The following MCPH1 variants were observed in gnomAD, a reference collection of about 807,000 sequenced individuals.
MCPH1 encodes microcephalin.
In MCPH1, 104 loss-of-function variants were observed where a neutral mutation model predicts 84.5. The ratio of observed to expected loss-of-function variants is 1.23; its 90% confidence interval spans 1.05 to 1.45. MCPH1 has a LOEUF of 1.45. MCPH1 is among the 40% of genes most tolerant of loss of function. MCPH1 has a pLI of 0.00. For synonymous variants in MCPH1, 514 were observed against 366.8 expected, an observed-to-expected ratio of 1.40 and a Z score of -4.58; for missense variants, 1,498 against 1,005.7, an observed-to-expected ratio of 1.49 and a Z score of -6.62.
intron 12 of MCPH1, among the ~76,000 whole-genome samples, chr8:6,538,378 C>A (rs1413947336): frequency 2.0e-5 from 3 of 152,216 alleles, no homozygotes; most frequent in African/African-American, 7.2e-5. Context: ...AGCTGCTCTC[C>A]TTTCATCCCG....
chr8:6,598,041 T>A (rs1829060892), intron 12 of MCPH1, among the ~76,000 whole-genome samples: 1 of 152,172 alleles, frequency 6.6e-6, no homozygotes, highest in South Asian at 2.1e-4. Context: ...CCAGCCAACA[T>A]CAGCTCAGCG....
At chr8:6,460,184 C>T (rs904337086) in intron 9 of MCPH1, among the ~76,000 whole-genome samples, 1 of 151,886 alleles carries the variant, frequency 6.6e-6, no homozygotes, top group Non-Finnish European at 1.5e-5. Context: ...CGTGTGCTAT[C>T]CTTTGCTTCT....
At chr8:6,540,171 C>G (rs1049900154) in intron 12 of MCPH1, among the ~76,000 whole-genome samples, 1 of 152,138 alleles carries the variant, frequency 6.6e-6, no homozygotes, top group Non-Finnish European at 1.5e-5. Flanking sequence ...GCTGCATATT[C>G]TTTGCATTAA....
At chr8:6,462,610 TTGCC>T (rs146809760) in intron 9 of MCPH1, among the ~76,000 whole-genome samples, 1 of 152,328 alleles carries the variant, frequency 6.6e-6, no homozygotes, top group African/African-American at 2.4e-5. Flanking sequence ...TGCTAAAGCA[TTGCC>T]CCCAGAGCCA....
rs1409677226 is a variant in MCPH1, at chr8:6,644,940, C to A, written c.*1891C>A. 6.6e-6 allele frequency: 1 copy of A among 152,178 alleles called. No homozygotes were observed. The highest frequency in any genetic ancestry group is 1.9e-4 in the East Asian group (1 of 5,200). The allele number at this position is 152,178 out of a possible 1,614,324, so 9.4% of individuals were successfully genotyped here. ...TTTAAAATAATGTATACACCTAAAT[C>A]ATCCCCTTATGATACTCATCCTCTA... is the stretch of plus-strand genomic sequence containing the variant. On this transcript the variant is annotated 3_prime_UTR_variant, in exon 14 of 14. Transcript: ENST00000344683.
chr8:6,482,914 G>C lies in MCPH1; in HGVS notation c.2136+2038G>C, dbSNP rs138661484. On this transcript the variant is annotated intron_variant, in intron 11 of 13. Transcript: ENST00000344683. ...CTCAGACACATAAGTGAATGAATGA[G>C]GTACAAGGCAATCAGACAAGAAAAG... Among the ~76,000 whole-genome samples the C allele has an allele frequency of 2.4e-3, 358 of 152,278 alleles. 4 individuals carry two copies. Among genetic ancestry groups the C allele is most frequent in the African/African-American group, 8.3e-3 (345 of 41,556 alleles).
intron 12 of MCPH1, chr8:6,532,285 A>AG: frequency 6.2e-7 from 1 of 1,611,342 alleles, no homozygotes; most frequent in Non-Finnish European, 8.5e-7. Context: ...ACTGAGTGCT[A>AG]GTCTCTAGCT....
chr8:6,537,356 G>C (rs923849579), intron 12 of MCPH1, among the ~76,000 whole-genome samples: 1 of 151,992 alleles, frequency 6.6e-6, no homozygotes, highest in Non-Finnish European at 1.5e-5. Context: ...GCCTTGGGCT[G>C]TTCTTCCTTT....
intron 12 of MCPH1, among the ~76,000 whole-genome samples, chr8:6,584,437 G>T (rs1309530200): frequency 6.6e-6 from 1 of 152,152 alleles, no homozygotes. Flanking sequence ...ATTGTGAAAA[G>T]AACTCTTACT....
At chr8:6,434,798 C>T (rs931008490) in intron 4 of MCPH1, among the ~76,000 whole-genome samples, 11 of 152,184 alleles carry the variant, frequency 7.2e-5, no homozygotes, top group African/African-American at 2.4e-4. Context: ...GGGCTGGTAG[C>T]TTCGCGCTGA....
At chr8:6,440,769 A>T (rs1803387676) in intron 6 of MCPH1, among the ~76,000 whole-genome samples, 2 of 152,202 alleles carry the variant, frequency 1.3e-5, no homozygotes, top group African/African-American at 2.4e-5. Flanking sequence ...GTGATCAACT[A>T]TTACCTCGCT....
intron 12 of MCPH1, among the ~76,000 whole-genome samples, chr8:6,592,813 C>T (rs1200040983): frequency 3.1e-5 from 4 of 128,686 alleles, no homozygotes; most frequent in African/African-American, 5.9e-5. Flanking sequence ...TGCCACCACA[C>T]CTGGCAATTT....
At chr8:6,507,124 C>T (rs1313011524) in intron 12 of MCPH1, among the ~76,000 whole-genome samples, 1 of 152,166 alleles carries the variant, frequency 6.6e-6, no homozygotes, top group Admixed American at 6.5e-5. Context: ...TCTCAAACTC[C>T]TGACCTCAGG....
chr8:6,571,467 C>A (rs948278278), intron 12 of MCPH1, among the ~76,000 whole-genome samples: 19 of 152,088 alleles, frequency 1.2e-4, no homozygotes, highest in Non-Finnish European at 2.5e-4. Context: ...AAAAATATGT[C>A]CAGTCTCTTT....
At chr8:6,469,329 C>T (rs745410729) in intron 9 of MCPH1, among the ~76,000 whole-genome samples, 6 of 152,142 alleles carry the variant, frequency 3.9e-5, no homozygotes, top group Non-Finnish European at 8.8e-5. Context: ...TAATAAGCTA[C>T]TTGTTTAAAG....
chr8:6,527,122 G>C (rs1818481629), intron 12 of MCPH1, among the ~76,000 whole-genome samples: 1 of 152,150 alleles, frequency 6.6e-6, no homozygotes, highest in Non-Finnish European at 1.5e-5. Flanking sequence ...TAAAATGCCT[G>C]GGCCAGTGGT....
chr8:6,451,314 C>G (rs1046195601), intron 8 of MCPH1, among the ~76,000 whole-genome samples: 1 of 152,138 alleles, frequency 6.6e-6, no homozygotes, highest in African/African-American at 2.4e-5. Context: ...TTTTATCTGT[C>G]AGATGTTTAC....
At chr8:6,630,862 C>CAAAT (rs961388091) in intron 13 of MCPH1, among the ~76,000 whole-genome samples, 3 of 150,012 alleles carry the variant, frequency 2.0e-5, no homozygotes, top group Non-Finnish European at 4.5e-5. Context: ...TTGAAAAAGT[C>CAAAT]AAATAGGCAA....
rs1312656251 is a variant in MCPH1 at position 6,646,243 on chromosome 8, G to A, written c.*3194G>A. On this transcript the variant is annotated 3_prime_UTR_variant, in exon 14 of 14. Transcript: ENST00000344683. ...AGTTTAAGACCAGCCTGGCCAACTT[G>A]GTGAAACCTTGTCTCTACTAGAAAT... 6.6e-6 allele frequency: 1 copy of A among 152,090 alleles called. No individual in the cohort carries two copies. The highest frequency in any genetic ancestry group is 1.5e-5 in the Non-Finnish European group (1 of 68,010). 9.4% of individuals were successfully genotyped at this position (152,090 alleles called of 1,614,324 possible). A position where few individuals can be genotyped will look rare whatever the true frequency, so the allele number is the denominator to read the frequency against.
Sources: gnomAD v4.1 joint callset for allele counts (sites outside exome capture counted in the v4.1 genomes callset) on GRCh38, gnomAD v4.1.1 for gene constraint, MANE v1.5 for transcripts, NCBI Gene and HGNC (gene_info 2026-07-23, HGNC 2026-07-21) for gene names.